Variants in GNB1 observed in about 807,000 individuals in gnomAD.
GNB1 encodes G protein subunit beta 1.
In GNB1, 2 loss-of-function variants were observed where a neutral mutation model predicts 42.9. The observed-to-expected ratio is 0.05, with a 90% CI of 0.02 to 0.15. The LOEUF (loss-of-function observed/expected upper bound fraction) is 0.15. GNB1 is among the 10% of genes least tolerant of loss of function. GNB1 has a pLI of 1.00. For synonymous variants in GNB1, 183 were observed against 174.7 expected, an observed-to-expected ratio of 1.05 and a Z score of -0.38; for missense variants, 193 against 462.2, an observed-to-expected ratio of 0.42 and a Z score of 5.34.
chr1:1,824,822 C>T (rs1451322248), intron 3 of GNB1, among the ~76,000 whole-genome samples: 3 of 152,156 alleles, frequency 2.0e-5, no homozygotes, highest in African/African-American at 4.8e-5. Flanking sequence ...GATCCACCCG[C>T]CTTGGCCTCC....
At chr1:1,866,480 T>G (rs1020757932) in intron 1 of GNB1, among the ~76,000 whole-genome samples, 25 of 152,204 alleles carry the variant, frequency 1.6e-4, no homozygotes, top group Admixed American at 2.6e-4. Context: ...AACTGCACAG[T>G]ATGCCATTCC....
Position 1,887,799 on chromosome 1 carries a change from G to C in GNB1, c.-96+3021C>G, listed in dbSNP as rs151080926. Among the ~76,000 whole-genome samples the C allele has an allele frequency of 2.2e-3, 342 of 152,176 alleles. 3 individuals are homozygous for C. Among genetic ancestry groups the C allele is most frequent in the African/African-American group, 7.6e-3 (314 of 41,536 alleles). ...CCGGCTAATTTTAATATTTTTAGTA[G>C]ATACGAGGTTTCGCTATGTTGGCCA... On this transcript the variant is annotated intron_variant, in intron 1 of 11. Transcript: ENST00000378609.
intron 7 of GNB1, among the ~76,000 whole-genome samples, chr1:1,802,763 TAA>T (rs374872245): frequency 1.5e-4 from 21 of 137,530 alleles, no homozygotes; most frequent in Admixed American, 1.5e-4. Context: ...GACTCCATCT[TAA>T]AAAAAAAAAA....
intron 1 of GNB1, among the ~76,000 whole-genome samples, chr1:1,845,915 C>G (rs540816365): frequency 6.6e-6 from 1 of 150,620 alleles, no homozygotes; most frequent in Non-Finnish European, 1.5e-5. Context: ...CTGGAAGCAA[C>G]GACCTCTCCA....
At chr1:1,833,764 A>C (rs1268940752) in intron 2 of GNB1, among the ~76,000 whole-genome samples, 1 of 152,250 alleles carries the variant, frequency 6.6e-6, no homozygotes, top group Non-Finnish European at 1.5e-5. Context: ...AGCAGCAGGC[A>C]GATGGGCAAA....
rs1245850367 is a variant in GNB1 at position 1,864,337 on chromosome 1, G to GAAAAAAAA, written c.-95-25100_-95-25099insTTTTTTTT. 6.1e-4 allele frequency among the ~76,000 whole-genome samples: 56 copies of GAAAAAAAA among 91,180 alleles called. 1 individual carries two copies. Among genetic ancestry groups the GAAAAAAAA allele is most frequent in the African/African-American group, 2.2e-3 (56 of 25,348 alleles). 59.8% of individuals were successfully genotyped at this position (91,180 alleles called of 152,430 possible). A position where few individuals can be genotyped will look rare whatever the true frequency, so the allele number is the denominator to read the frequency against. On this transcript the variant is annotated intron_variant, in intron 1 of 11. Coordinates refer to ENST00000378609, the MANE Select transcript of GNB1 (RefSeq NM_002074.5). ...CTCAAAAAAAAAAAAAAAAAAAAAA[G>GAAAAAAAA]AAGAAAACCCCACGAAAAAACTATT... is the stretch of plus-strand genomic sequence containing the variant.
chr1:1,872,908 A>AT (rs1395884915), intron 1 of GNB1, among the ~76,000 whole-genome samples: 3 of 152,180 alleles, frequency 2.0e-5, no homozygotes, highest in African/African-American at 7.2e-5. Context: ...CACAGATACC[A>AT]TATTATTAAC....
chr1:1,875,483 A>C (rs1383258404), intron 1 of GNB1, among the ~76,000 whole-genome samples: 1 of 151,802 alleles, frequency 6.6e-6, no homozygotes, highest in Non-Finnish European at 1.5e-5. Context: ...GTGAGCCATC[A>C]CACCTGGCCA....
chr1:1,875,401 C>CA (rs1457071497), intron 1 of GNB1, among the ~76,000 whole-genome samples: 1 of 152,182 alleles, frequency 6.6e-6, no homozygotes, highest in Non-Finnish European at 1.5e-5. Context: ...ACATGTTGGT[C>CA]AGGCTGGTCT....
intron 1 of GNB1, among the ~76,000 whole-genome samples, chr1:1,843,816 T>C (rs1276459279): frequency 6.6e-6 from 1 of 152,072 alleles, no homozygotes; most frequent in Non-Finnish European, 1.5e-5. Flanking sequence ...TCCCAGTGCT[T>C]TGGGAGGCCG....
intron 2 of GNB1, among the ~76,000 whole-genome samples, chr1:1,836,781 C>G (rs1288498422): frequency 1.3e-5 from 2 of 152,008 alleles, no homozygotes; most frequent in African/African-American, 2.4e-5. Flanking sequence ...GAACTCCCAA[C>G]CTCAGGTGAT....
chr1:1,855,626 A>AC (rs1382889109), intron 1 of GNB1, among the ~76,000 whole-genome samples: 3 of 148,588 alleles, frequency 2.0e-5, no homozygotes, highest in Admixed American at 6.7e-5. Flanking sequence ...GCTGGCATGA[A>AC]CCCCGGGGGG....
rs114595939 is a variant in GNB1, at chr1:1,833,674, G to T, written c.-47+5516C>A. ...GAGCGTACACAGTCACTGCGAACGG[G>T]TGAAGTGTGCCAACGAGGGCAGGGA... On this transcript the variant is annotated intron_variant, in intron 2 of 11. Coordinates refer to ENST00000378609, the MANE Select transcript of GNB1 (RefSeq NM_002074.5). 2.4e-3 allele frequency among the ~76,000 whole-genome samples: 360 copies of T among 152,310 alleles called. 1 individual carries two copies. Among genetic ancestry groups the T allele is most frequent in the Admixed American group, 4.1e-3 (63 of 15,298 alleles).
chr1:1,852,652 T>C (rs941363166), intron 1 of GNB1, among the ~76,000 whole-genome samples: 5 of 151,266 alleles, frequency 3.3e-5, no homozygotes, highest in Admixed American at 6.6e-5. Context: ...CCACTGTATG[T>C]CAGCCTGGGC....
At chr1:1,826,421 T>TA (rs1224256062) in intron 2 of GNB1, among the ~76,000 whole-genome samples, 8 of 151,596 alleles carry the variant, frequency 5.3e-5, no homozygotes, top group Non-Finnish European at 8.8e-5. Flanking sequence ...CATCTCAAAA[T>TA]AAAAAAAATA....
intron 3 of GNB1, among the ~76,000 whole-genome samples, chr1:1,824,282 C>T (rs1379750551): frequency 6.6e-6 from 1 of 152,178 alleles, no homozygotes; most frequent in African/African-American, 2.4e-5. Context: ...AGAAGTACTG[C>T]TTCACAAAAG....
intron 2 of GNB1, among the ~76,000 whole-genome samples, chr1:1,833,511 G>A (rs140750896): frequency 4.9e-4 from 75 of 152,248 alleles, no homozygotes; most frequent in African/African-American, 1.8e-3. Context: ...GCAGAGCAAC[G>A]CATGCGCAGA....
intron 1 of GNB1, among the ~76,000 whole-genome samples, chr1:1,879,992 T>C (rs1481152558): frequency 6.6e-6 from 1 of 152,060 alleles, no homozygotes; most frequent in Admixed American, 6.6e-5. Flanking sequence ...AGTGCCATGG[T>C]GCAACCATAG....
intron 7 of GNB1, among the ~76,000 whole-genome samples, chr1:1,802,279 A>T (rs1646636303): frequency 6.6e-6 from 1 of 152,218 alleles, no homozygotes; most frequent in Non-Finnish European, 1.5e-5. Context: ...ACAGACCATC[A>T]GCTCCATTAA....
Sources: allele counts gnomAD v4.1 joint callset (sites outside exome capture counted in the v4.1 genomes callset), GRCh38; gene constraint gnomAD v4.1.1; transcripts MANE v1.5; gene names NCBI Gene and HGNC (gene_info 2026-07-23, HGNC 2026-07-21).